Variants in CENPW observed in about 807,000 individuals in gnomAD.
CENPW encodes the protein cancer-up-regulated gene 2 protein.
Under a neutral mutation model 11.1 loss-of-function variants are expected in CENPW, and 3 were observed. That is an observed-to-expected ratio of 0.27 (90% CI 0.12 to 0.70). The LOEUF (loss-of-function observed/expected upper bound fraction) is 0.70. Among genes scored for constraint, CENPW ranks in the 30% least tolerant of loss-of-function variants. The pLI, the probability that CENPW is intolerant of heterozygous loss-of-function variation, is 0.77. For missense variants in CENPW, 100 were observed against 105.6 expected, an observed-to-expected ratio of 0.95 and a Z score of 0.23; for synonymous variants, 38 against 42.0, an observed-to-expected ratio of 0.91 and a Z score of 0.37.
At chr6:126,392,490 A>C in the CENPW span, among the ~76,000 whole-genome samples, 2 of 151,798 alleles carry the variant, frequency 1.3e-5, no homozygotes, top group Non-Finnish European at 3.0e-5. Flanking sequence ...TCTGTACCCA[A>C]TTTTTTGAGG....
the CENPW span, among the ~76,000 whole-genome samples, chr6:126,451,012 A>G: frequency 6.6e-6 from 1 of 150,976 alleles, no homozygotes; most frequent in Non-Finnish European, 1.5e-5. Flanking sequence ...GAAGAAAACT[A>G]TGGAAGCAAT....
the CENPW span, among the ~76,000 whole-genome samples, chr6:126,430,534 T>C: frequency 6.6e-6 from 1 of 152,232 alleles, no homozygotes. Context: ...CACATGGGTC[T>C]GACAGATTTC....
chr6:126,445,000 G>C, the CENPW span, among the ~76,000 whole-genome samples: 1 of 151,038 alleles, frequency 6.6e-6, no homozygotes, highest in South Asian at 2.1e-4. Context: ...TTGGGCACTT[G>C]TTTTGAAAGG....
chr6:126,378,531 G>A, the CENPW span, among the ~76,000 whole-genome samples: 33 of 151,070 alleles, frequency 2.2e-4, no homozygotes, highest in Non-Finnish European at 1.0e-4. Flanking sequence ...TATACTGGTC[G>A]TGAGCACTCT....
the CENPW span, among the ~76,000 whole-genome samples, chr6:126,357,946 T>C: frequency 6.6e-6 from 1 of 152,206 alleles, no homozygotes; most frequent in African/African-American, 2.4e-5. Context: ...TGGTTAGCTG[T>C]ATTCCTAGGT....
At chr6:126,370,281 TA>T in the CENPW span, among the ~76,000 whole-genome samples, 1 of 152,100 alleles carries the variant, frequency 6.6e-6, no homozygotes, top group African/African-American at 2.4e-5. Context: ...TGAATTTTAG[TA>T]TTTTTTTTTC....
chr6:126,374,724 G>C, the CENPW span, among the ~76,000 whole-genome samples: 1 of 152,106 alleles, frequency 6.6e-6, no homozygotes, highest in Non-Finnish European at 1.5e-5. Context: ...AGTTACAATG[G>C]CCTCCACTTT....
the CENPW span, among the ~76,000 whole-genome samples, chr6:126,434,835 G>A: frequency 6.6e-6 from 1 of 151,938 alleles, no homozygotes; most frequent in Non-Finnish European, 1.5e-5. Flanking sequence ...CTAAGTTCTG[G>A]AGGAGACATC....
the CENPW span, among the ~76,000 whole-genome samples, chr6:126,430,694 G>A: frequency 6.6e-6 from 1 of 152,148 alleles, no homozygotes; most frequent in African/African-American, 2.4e-5. Context: ...GGCCACGCCT[G>A]TAATCCCAGC....
At chr6:126,445,584 C>G in the CENPW span, among the ~76,000 whole-genome samples, 10 of 151,032 alleles carry the variant, frequency 6.6e-5, no homozygotes, top group Non-Finnish European at 1.2e-4. Context: ...TATATCCTAC[C>G]ATACAATTTA....
the CENPW span, among the ~76,000 whole-genome samples, chr6:126,428,951 T>C: frequency 6.6e-6 from 1 of 152,218 alleles, no homozygotes; most frequent in South Asian, 2.1e-4. Flanking sequence ...CTGTATATAC[T>C]GTATATAGAC....
At chr6:126,422,128 G>A in the CENPW span, among the ~76,000 whole-genome samples, 1 of 152,112 alleles carries the variant, frequency 6.6e-6, no homozygotes, top group African/African-American at 2.4e-5. Flanking sequence ...ATGTGTGTAC[G>A]TGTGTATGCA....
At chr6:126,367,417 C>A in the CENPW span, among the ~76,000 whole-genome samples, 1 of 148,556 alleles carries the variant, frequency 6.7e-6, no homozygotes, top group African/African-American at 2.4e-5. Flanking sequence ...GATCAGAAAT[C>A]CTTCCTGATA....
the CENPW span, among the ~76,000 whole-genome samples, chr6:126,373,257 A>C: frequency 9.2e-5 from 14 of 152,300 alleles, no homozygotes; most frequent in East Asian, 1.9e-3. Flanking sequence ...ATAATGTACT[A>C]TTTTTAACAC....
At chr6:126,352,365 A>C (rs886529127), downstream of CENPW, among the ~76,000 whole-genome samples, 3 of 152,126 alleles carry the variant, frequency 2.0e-5, no homozygotes, top group African/African-American at 7.2e-5. Context: ...CAAAATGGCA[A>C]AAGAGGGATT....
At chr6:126,441,486 G>T in the CENPW span, among the ~76,000 whole-genome samples, 1 of 151,290 alleles carries the variant, frequency 6.6e-6, no homozygotes, top group African/African-American at 2.4e-5. Context: ...TATAGGTTTT[G>T]GGGGAACAGG....
At chr6:126,382,326 A>G in the CENPW span, among the ~76,000 whole-genome samples, 5 of 152,142 alleles carry the variant, frequency 3.3e-5, no homozygotes, top group Non-Finnish European at 5.9e-5. Flanking sequence ...GAAGGCATAT[A>G]AGCCCACAAA....
At chr6:126,451,401 G>A in the CENPW span, among the ~76,000 whole-genome samples, 15 of 151,148 alleles carry the variant, frequency 9.9e-5, no homozygotes, top group African/African-American at 3.1e-4. Flanking sequence ...TGGCCTGAAC[G>A]TACATCCTGA....
chr6:126,357,629 G>A, the CENPW span, among the ~76,000 whole-genome samples: 1 of 149,944 alleles, frequency 6.7e-6, no homozygotes, highest in East Asian at 1.9e-4. Flanking sequence ...TTTCTTTTGA[G>A]ATGGAGTCTT....
Sources: allele counts gnomAD v4.1 joint callset (sites outside exome capture counted in the v4.1 genomes callset), GRCh38; gene constraint gnomAD v4.1.1; transcripts MANE v1.5; gene names NCBI Gene and HGNC (gene_info 2026-07-23, HGNC 2026-07-21).